The following MYO1B variants were observed in gnomAD, a reference collection of about 807,000 sequenced individuals.
The protein encoded by MYO1B is unconventional myosin-Ib.
MYO1B carries 72 observed loss-of-function variants against 159.7 expected under a neutral mutation model. The ratio of observed to expected loss-of-function variants is 0.45; its 90% CI spans 0.37 to 0.55. The LOEUF (loss-of-function observed/expected upper bound fraction) is 0.55. Ranked by LOEUF, MYO1B falls within the 20% of genes least tolerant of loss-of-function variation. The pLI, the probability that MYO1B is intolerant of heterozygous loss-of-function variation, is 0.00. For missense variants in MYO1B, 1,062 were observed against 1,364.8 expected (o/e 0.78, Z 3.50); for synonymous variants, 468 against 473.8 (o/e 0.99, Z 0.16).
At chr2:191,413,995 G>A in intron 27 of MYO1B, 53 bp from the exon 28 acceptor site, 2 of 1,533,358 alleles carry the variant, frequency 1.3e-6, no homozygotes, top group Non-Finnish European at 1.7e-6. Context: ...CCTTTTTTTA[G>A]TGGTACTTTC....
intron 2 of MYO1B, among the ~76,000 whole-genome samples, chr2:191,279,775 A>C (rs1687946884): frequency 6.6e-6 from 1 of 152,066 alleles, no homozygotes; most frequent in South Asian, 2.1e-4. Flanking sequence ...TTAAAAAAAA[A>C]CATCTTTTAA....
intron 3 of MYO1B, among the ~76,000 whole-genome samples, chr2:191,318,633 C>A (rs965387700): frequency 3.9e-5 from 6 of 152,120 alleles, no homozygotes; most frequent in African/African-American, 1.4e-4. Context: ...GTAATAAATA[C>A]CAACTTCCTG....
chr2:191,401,553 T>C (rs1696617839), intron 23 of MYO1B: 1 of 152,260 alleles, frequency 6.6e-6, no homozygotes, highest in African/African-American at 2.4e-5. Flanking sequence ...TTAGATGTTT[T>C]TGTTACTTAG....
Position 191,402,641 on chromosome 2 carries a change from G to C in MYO1B, c.2479G>C (p.Glu827Gln). 2 of 1,613,660 alleles carry C rather than the reference G, an allele frequency of 1.2e-6. No homozygotes were observed. Among genetic ancestry groups the C allele is most frequent in the South Asian group, 2.2e-5 (2 of 90,958 alleles). The change falls in exon 24 of 31, where the codon GAA becomes CAA. Residue 827 changes from glutamate (E) to glutamine (Q), a missense_variant. Physicochemically the swap from Glu to Gln is conservative, Grantham distance 29 (BLOSUM62 2). Around this residue, in one of 5 missense-constraint regions of MYO1B, gnomAD observed 609 missense variants for 744.4 expected, o/e 0.82. Transcript: ENST00000392318. ...AYWLGSKARR[E>Q]LKRLKEEARR... is the part of the protein sequence containing the mutation. ...ATCTAAAACATTCTAGGCTCGAAGGGAATTGAAACGCTTGAAGGAGGAGGC... is the reference window on the plus strand; with the variant it reads ...ATCTAAAACATTCTAGGCTCGAAGGCAATTGAAACGCTTGAAGGAGGAGGC...
intron 23 of MYO1B, among the ~76,000 whole-genome samples, 156 bp downstream of exon 23, chr2:191,400,991 C>G (rs890279842): frequency 1.3e-5 from 2 of 152,162 alleles, no homozygotes; most frequent in African/African-American, 4.8e-5. Flanking sequence ...AACATTAGTT[C>G]AGTAGTATGC....
chr2:191,350,959 C>T (rs149899888), intron 7 of MYO1B, among the ~76,000 whole-genome samples: 4 of 152,136 alleles, frequency 2.6e-5, no homozygotes, highest in African/African-American at 4.8e-5. Context: ...AGTTGTGGCA[C>T]CCACAGCACA....
Position 191,400,850 on chromosome 2 carries a change from T to C in MYO1B, c.2469+15T>C. On this transcript the variant is annotated intron_variant, in intron 23 of 30. Coordinates refer to ENST00000392318, the MANE Select transcript of MYO1B (RefSeq NM_001130158.3). ...TTGGATCTAAGGTACTTGATGCACA[T>C]ATCCCAACACTCCATCCTGGAATTC... 4 of 1,610,560 alleles carry C rather than the reference T, an allele frequency of 2.5e-6. No individual in the cohort carries two copies. Among genetic ancestry groups the C allele is most frequent in the Non-Finnish European group, 3.4e-6 (4 of 1,177,102 alleles).
intron 2 of MYO1B, among the ~76,000 whole-genome samples, chr2:191,294,947 T>C (rs1688895035): frequency 1.3e-5 from 2 of 152,186 alleles, no homozygotes; most frequent in South Asian, 2.1e-4. Flanking sequence ...TCTAGAAATA[T>C]CTGACAGTCT....
At chr2:191,373,654 A>C (rs773388674) in intron 13 of MYO1B, among the ~76,000 whole-genome samples, 42 of 152,322 alleles carry the variant, frequency 2.8e-4, no homozygotes, top group Admixed American at 1.2e-3. Flanking sequence ...TTGCGCCTGT[A>C]GTCCCAGCTA....
chr2:191,367,300 A>G (rs754397793), intron 11 of MYO1B, among the ~76,000 whole-genome samples: 1 of 152,170 alleles, frequency 6.6e-6, no homozygotes, highest in Non-Finnish European at 1.5e-5. Context: ...GCCAGGTGGC[A>G]AATTGGCAGC....
chr2:191,314,598 CA>C (rs778168276), intron 3 of MYO1B, among the ~76,000 whole-genome samples: 8 of 152,148 alleles, frequency 5.3e-5, no homozygotes, highest in Non-Finnish European at 2.9e-5. Flanking sequence ...TAAGCCAATG[CA>C]ATGTTAATGT....
intron 2 of MYO1B, among the ~76,000 whole-genome samples, chr2:191,292,150 G>C (rs1342524839): frequency 1.3e-5 from 2 of 152,236 alleles, no homozygotes; most frequent in Non-Finnish European, 2.9e-5. Flanking sequence ...AATGGAGAGA[G>C]AAAGCATAGT....
intron 20 of MYO1B, among the ~76,000 whole-genome samples, chr2:191,395,054 T>C (rs1695986837): frequency 6.6e-6 from 1 of 152,244 alleles, no homozygotes; most frequent in South Asian, 2.1e-4. Context: ...TAGTTGCTGA[T>C]TACTTTTAAG....
At position 191,256,082 on chromosome 2, in the gene MYO1B, C is replaced by T. The variant is rs138958420; in HGVS notation, c.-10+10456C>T. Among the ~76,000 whole-genome samples the T allele has an allele frequency of 2.0e-3, 301 of 152,304 alleles. 1 individual carries two copies. Among genetic ancestry groups the T allele is most frequent in the African/African-American group, 7.0e-3 (290 of 41,546 alleles). The stretch of plus-strand genomic sequence containing the variant: ...GGGATGGGATCCAAACTGAGTTACA[C>T]ACCTGCCTAGAATCTGTGCTCTGTT... On this transcript the variant is annotated intron_variant, in intron 1 of 30. Transcript: ENST00000392318.
intron 2 of MYO1B, among the ~76,000 whole-genome samples, chr2:191,280,076 G>C (rs73981537): frequency 6.6e-6 from 1 of 152,270 alleles, no homozygotes; most frequent in South Asian, 2.1e-4. Flanking sequence ...AAAATAGTCT[G>C]TATCTTCCCA....
chr2:191,355,949 A>G (rs1693249528), intron 7 of MYO1B, among the ~76,000 whole-genome samples: 1 of 152,100 alleles, frequency 6.6e-6, no homozygotes, highest in Non-Finnish European at 1.5e-5. Context: ...TTATACCTTC[A>G]TGTGCTATCT....
chr2:191,396,677 G>A (rs1696095804), intron 21 of MYO1B, among the ~76,000 whole-genome samples, 180 bp downstream of exon 21: 1 of 152,108 alleles, frequency 6.6e-6, no homozygotes, highest in Non-Finnish European at 1.5e-5. Flanking sequence ...CCATGTCTTG[G>A]CCACTTCCTT....
At chr2:191,263,303 A>G in intron 1 of MYO1B, 1 of 984,904 alleles carries the variant, frequency 1.0e-6, no homozygotes, top group Non-Finnish European at 1.2e-6. Flanking sequence ...CCCTGTCACA[A>G]CGAATGTTTG....
At chr2:191,248,578 C>T (rs1156484888) in intron 1 of MYO1B, among the ~76,000 whole-genome samples, 2 of 152,110 alleles carry the variant, frequency 1.3e-5, no homozygotes, top group South Asian at 2.1e-4. Flanking sequence ...GATGGGGTAT[C>T]GTACTACATG....
Sources: allele counts gnomAD v4.1 joint callset (sites outside exome capture counted in the v4.1 genomes callset), GRCh38; gene constraint gnomAD v4.1.1; regional missense constraint gnomAD v4.1.1; transcripts MANE v1.5; gene names NCBI Gene and HGNC (gene_info 2026-07-23, HGNC 2026-07-21).